The following MIA3 variants were observed in gnomAD, a reference collection of about 807,000 sequenced individuals.
The protein encoded by MIA3 is MIA SH3 domain ER export factor 3.
A neutral mutation model predicts 192.4 loss-of-function variants in MIA3; 90 were observed. The observed-to-expected ratio is 0.47, with a 90% CI of 0.39 to 0.56. The LOEUF (loss-of-function observed/expected upper bound fraction) is 0.56, where lower values mean the gene tolerates loss of function less well. Ranked by LOEUF, MIA3 falls within the 20% of genes least tolerant of loss-of-function variation. The pLI, the probability that MIA3 is intolerant of heterozygous loss-of-function variation, is 0.00. For synonymous variants in MIA3, 740 were observed against 792.8 expected (o/e 0.93, Z 1.12); for missense variants, 2,123 against 2,269.4 (o/e 0.94, Z 1.31).
rs930157478 is a variant in MIA3 at position 222,667,970 on chromosome 1, G to A, written c.*2351G>A. On this transcript the variant is annotated 3_prime_UTR_variant, in exon 28 of 28. Coordinates refer to ENST00000344922, the MANE Select transcript of MIA3 (RefSeq NM_198551.4). ...CTTCAAGATAATCACTCATTTTCTC[G>A]TTATATTCAGGTCTGAATTAAAGTT... 12 of 152,060 alleles carry A rather than the reference G, an allele frequency of 7.9e-5. No homozygotes were observed. Among genetic ancestry groups the A allele is most frequent in the Admixed American group, 3.3e-4 (5 of 15,262 alleles). 9.4% of individuals were successfully genotyped at this position (152,060 alleles called of 1,614,324 possible).
chr1:222,629,903 G>T lies in MIA3; in HGVS notation c.2683G>T (p.Ala895Ser), dbSNP rs369275574. Residue 895 changes from alanine (A) to serine (S), a missense_variant, in exon 4 of 28, where the codon GCT (alanine) becomes TCT (serine). By Grantham distance (99) the Ala-to-Ser change is moderately conservative. This residue lies in a region of MIA3 where 1,357 missense variants were observed against 1,396.1 expected (regional missense o/e 0.97). Coordinates refer to ENST00000344922, the MANE Select transcript of MIA3 (RefSeq NM_198551.4). Reference protein sequence around the residue: ...KYMGTESQGSAAAEPEDDSFH... With the variant: ...KYMGTESQGSSAAEPEDDSFH... ...CATGGGCACAGAAAGCCAGGGGTCTGCTGCTGCAGAACCTGAAGATGACTC... is the reference window on the plus strand; with the variant it reads ...CATGGGCACAGAAAGCCAGGGGTCTTCTGCTGCAGAACCTGAAGATGACTC... The T allele has an allele frequency of 6.2e-7, 1 of 1,613,964 alleles. No homozygotes were observed. The highest frequency in any genetic ancestry group is 8.5e-7 in the Non-Finnish European group (1 of 1,180,032).
rs1353754470 is a variant in MIA3 at position 222,666,231 on chromosome 1, ATGGTGGC to A, written c.*620_*626del. On this transcript the variant is annotated 3_prime_UTR_variant, in exon 28 of 28. Transcript: ENST00000344922. The stretch of plus-strand genomic sequence containing the variant: ...TAAACTCAGGCTCCCAGAACTGAAG[ATGGTGGC>A]TGGTGGCACACTTCCGGCTGCTCCT... 1 of 152,270 alleles carries A rather than the reference ATGGTGGC, an allele frequency of 6.6e-6. No individual in the cohort carries two copies. Among genetic ancestry groups the A allele is most frequent in the African/African-American group, 2.4e-5 (1 of 41,476 alleles). The allele number at this position is 152,270 out of a possible 1,614,324, so 9.4% of individuals were successfully genotyped here.
rs1392292241 is a variant in MIA3 at position 222,660,229 on chromosome 1, A to G, written c.5028A>G (p.Glu1676=). The part of the protein sequence containing the change: ...SFGPSPVSGG[E]CSPPLTVEPP... The stretch of plus-strand genomic sequence containing the variant: ...GCCCATCCCCTGTGAGTGGTGGAGA[A>G]TGCTCCCCTCCATTGACAGTGGAGC... The change falls in exon 24 of 28, where the codon GAA becomes GAG. Residue 1676 remains glutamate, a synonymous_variant. Transcript: ENST00000344922. 6.2e-7 allele frequency: 1 copy of G among 1,613,854 alleles called. No homozygotes were observed. Among genetic ancestry groups the G allele is most frequent in the Non-Finnish European group, 8.5e-7 (1 of 1,179,744 alleles).
chr1:222,637,724 C>T (rs1429515992), intron 6 of MIA3, among the ~76,000 whole-genome samples: 2 of 150,374 alleles, frequency 1.3e-5, no homozygotes, highest in Admixed American at 6.6e-5. Flanking sequence ...AGGGTCTCAC[C>T]CTGTTTCCCA....
intron 6 of MIA3, among the ~76,000 whole-genome samples, chr1:222,636,015 A>G (rs917493083): frequency 6.6e-6 from 1 of 152,222 alleles, no homozygotes; most frequent in Non-Finnish European, 1.5e-5. Context: ...ACTTTAATTT[A>G]TTTTAGCATT....
intron 17 of MIA3, 34 bp from the exon 18 acceptor site, chr1:222,654,621 C>T (rs1035135813): frequency 1.2e-6 from 2 of 1,608,230 alleles, no homozygotes; most frequent in Non-Finnish European, 1.7e-6. Context: ...TTCTTGTGCA[C>T]ACATATGGAA....
rs548972090 is a variant in MIA3 at position 222,654,587 on chromosome 1, C to T, written c.4469-68C>T. The T allele has an allele frequency of 3.3e-5, 52 of 1,576,192 alleles. No homozygotes were observed. The South Asian group carries it at 4.8e-4, about 15-fold the overall frequency. The stretch of plus-strand genomic sequence containing the variant: ...TTCATACTTCTCATTTCTCTCAGCA[C>T]CAGCCCCCAACCAAGTTCTCAAGTT... On this transcript the variant is annotated intron_variant, in intron 17 of 27. Coordinates refer to ENST00000344922, the MANE Select transcript of MIA3 (RefSeq NM_198551.4).
At chr1:222,651,458 G>A (rs905857160) in intron 11 of MIA3, among the ~76,000 whole-genome samples, 1 of 151,636 alleles carries the variant, frequency 6.6e-6, no homozygotes, top group African/African-American at 2.4e-5. Context: ...AAAGTGAAGG[G>A]TTATGCTCCA....
chr1:222,630,412 G>T (rs746977412), intron 4 of MIA3, 23 bp downstream of exon 4: 1 of 1,564,572 alleles, frequency 6.4e-7, no homozygotes, highest in Non-Finnish European at 8.6e-7. Context: ...TGGCCTTGTA[G>T]AACAGGGCTG....
intron 6 of MIA3, among the ~76,000 whole-genome samples, chr1:222,644,773 C>CT (rs551970012): frequency 0.13 from 17,978 of 143,822 alleles, 1,493 homozygotes; most frequent in African/African-American, 0.25. Flanking sequence ...TTTCGTCACT[C>CT]TTTTTTTTTT....
intron 6 of MIA3, chr1:222,641,367 G>A (rs1256500321): frequency 2.9e-6 from 1 of 344,898 alleles, no homozygotes. Flanking sequence ...GCACCAGGAA[G>A]CCATGCCCAA....
intron 6 of MIA3, among the ~76,000 whole-genome samples, chr1:222,638,291 T>C (rs892233437): frequency 6.6e-4 from 101 of 152,226 alleles, no homozygotes; most frequent in African/African-American, 2.2e-3. Flanking sequence ...AAGTTAGAAA[T>C]GAATAATGGA....
intron 7 of MIA3, chr1:222,647,818 A>C: frequency 3.1e-6 from 1 of 321,068 alleles, no homozygotes. Flanking sequence ...GACATTAGAG[A>C]GATAGTAATT....
In MIA3 at chr1:222,628,949, C is replaced by T. The variant is rs2124842831; in HGVS notation, c.1729C>T (p.Leu577=). 6.2e-7 allele frequency: 1 copy of T among 1,614,168 alleles called. No individual in the cohort carries two copies. Among genetic ancestry groups the T allele is most frequent in the Non-Finnish European group, 8.5e-7 (1 of 1,180,014 alleles). The change falls in exon 4 of 28, where the codon CTG becomes TTG. Residue 577 remains leucine, a synonymous_variant. Coordinates refer to ENST00000344922, the MANE Select transcript of MIA3 (RefSeq NM_198551.4). ...MNDRKIQQES[L]GSAPLMGDDH... is the part of the protein sequence containing the mutation. ...TGACAGAAAGATTCAACAGGAATCC[C>T]TGGGTAGTGCACCACTCATGGGAGA...
chr1:222,622,626 ATCTAT>A (rs1380318141), intron 2 of MIA3, among the ~76,000 whole-genome samples: 2 of 152,208 alleles, frequency 1.3e-5, no homozygotes, highest in African/African-American at 4.8e-5. Flanking sequence ...ACCAAAACAA[ATCTAT>A]TCTATTTCCT....
intron 11 of MIA3, 108 bp from the exon 12 acceptor site, chr1:222,651,869 G>A: frequency 1.4e-6 from 1 of 727,282 alleles, no homozygotes; most frequent in Non-Finnish European, 2.4e-6. Context: ...TGAAACATAG[G>A]GGATGGCTCT....
Position 222,650,713 on chromosome 1 carries a change from T to C in MIA3, c.3798+2T>C. 6.3e-7 allele frequency: 1 copy of C among 1,588,268 alleles called. No individual in the cohort carries two copies. The highest frequency in any genetic ancestry group is 2.2e-5 in the East Asian group (1 of 44,558). On this transcript the variant is annotated splice_donor_variant, in intron 10 of 27. Coordinates refer to ENST00000344922, the MANE Select transcript of MIA3 (RefSeq NM_198551.4). LOFTEE classifies it high-confidence loss of function. Reference sequence around the variant, plus strand: ...TCTGATGAAGCAATTAAATATAAGGTAAAAACTTCTTTTGGGGATTACATT... The same window carrying C: ...TCTGATGAAGCAATTAAATATAAGGCAAAAACTTCTTTTGGGGATTACATT...
intron 4 of MIA3, among the ~76,000 whole-genome samples, chr1:222,631,398 G>T (rs1448461807): frequency 1.3e-5 from 2 of 152,102 alleles, no homozygotes; most frequent in African/African-American, 4.8e-5. Context: ...GGGATTACAG[G>T]TGTGAGCTAC....
rs1662443969 is a variant in MIA3, at chr1:222,632,474, A to G, written c.3331+148A>G. On this transcript the variant is annotated intron_variant, in intron 5 of 27. Transcript: ENST00000344922. Reference sequence around the variant, plus strand: ...CTAATTGAGAGAAAAGCAGGCGTCAAGACAGATGGAGATCAAAAATAGGAA... The same window carrying G: ...CTAATTGAGAGAAAAGCAGGCGTCAGGACAGATGGAGATCAAAAATAGGAA... 4.5e-6 allele frequency: 3 copies of G among 662,338 alleles called. No individual in the cohort carries two copies. The Admixed American group carries it at 9.3e-5, about 20-fold the overall frequency. 41.0% of individuals were successfully genotyped at this position (662,338 alleles called of 1,614,324 possible). A position where few individuals can be genotyped will look rare whatever the true frequency, so the allele number is the denominator to read the frequency against.
Sources: allele counts gnomAD v4.1 joint callset (sites outside exome capture counted in the v4.1 genomes callset), GRCh38; gene constraint gnomAD v4.1.1; regional missense constraint gnomAD v4.1.1; transcripts MANE v1.5; gene names NCBI Gene and HGNC (gene_info 2026-07-23, HGNC 2026-07-21).